The following HECTD3 variants were observed in gnomAD, a reference collection of about 807,000 sequenced individuals.
HECTD3 encodes the protein HECT domain E3 ubiquitin protein ligase 3.
In HECTD3, 72 loss-of-function variants were observed where a neutral mutation model predicts 109.3. That is an observed-to-expected ratio of 0.66 (90% CI 0.54 to 0.80). The LOEUF (loss-of-function observed/expected upper bound fraction) is 0.80, where lower values mean the gene tolerates loss of function less well. Ranked by LOEUF, HECTD3 falls within the 30% of genes least tolerant of loss-of-function variation. HECTD3 has a pLI of 0.00. For missense variants in HECTD3, 1,041 were observed against 1,165.2 expected, an observed-to-expected ratio of 0.89 and a Z score of 1.55; for synonymous variants, 481 against 471.8, an observed-to-expected ratio of 1.02 and a Z score of -0.25.
At position 45,007,126 on chromosome 1, in the gene HECTD3, TTGTGTGTGTGTGTGTGTGTGTGTG is replaced by T; in HGVS notation, c.1556+69_1556+92del. On this transcript the variant is annotated intron_variant, in intron 11 of 20. Transcript: ENST00000372172. ...TCATGGCGAGGGGTGCCTCGAGCAG[TTGTGTGTGTGTGTGTGTGTGTGTG>T]TGTGTGTTTGTGTGTGTTTGTGTGC... The T allele has an allele frequency of 2.4e-6, 3 of 1,251,168 alleles. No homozygotes were observed. The South Asian group carries it at 3.9e-5, about 16-fold the overall frequency. 77.5% of individuals were successfully genotyped at this position (1,251,168 alleles called of 1,614,324 possible).
rs1644716521 is a variant in HECTD3 at position 45,004,272 on chromosome 1, T to C, written c.2248A>G (p.Thr750Ala). 6.2e-7 allele frequency: 1 copy of C among 1,614,028 alleles called. No homozygotes were observed. Among genetic ancestry groups the C allele is most frequent in the South Asian group, 1.1e-5 (1 of 91,088 alleles). ...EKKVCGDPEV[T>A]VDALRKLTRF... ...CTGAGCTTGCGCAGAGCATCCACAG[T>C]GACCTCTGGATCCCCACACACTTTC... is the stretch of plus-strand genomic sequence containing the variant. Residue 750 changes from threonine to alanine, a missense_variant, in exon 17 of 21, where the codon ACT becomes GCT. Physicochemically the swap from Thr to Ala is moderately conservative, Grantham distance 58. Transcript: ENST00000372172.
Position 45,011,103 on chromosome 1 carries a change from TA to T in HECTD3, c.154del (p.Tyr52ThrfsTer68). 1 of 1,507,766 alleles carries T rather than the reference TA, an allele frequency of 6.6e-7. No individual in the cohort carries two copies. Among genetic ancestry groups the T allele is most frequent in the Non-Finnish European group, 8.8e-7 (1 of 1,135,542 alleles). The allele number at this position is 1,507,766 out of a possible 1,614,324, so 93.4% of individuals were successfully genotyped here. The stretch of plus-strand genomic sequence containing the variant: ...GCGCGACGGTCCCGCTGGGTCCTTG[TA>T]AAGCTTGTAGAGCACCTCTCGCGGC... ...FVPREVLYKL[Y>X]KDPAGPSRVL... On this transcript the variant is annotated frameshift_variant, in exon 1 of 21. Coordinates refer to ENST00000372172, the MANE Select transcript of HECTD3 (RefSeq NM_024602.6). LOFTEE classifies it high-confidence loss of function.
intron 9 of HECTD3, 51 bp from the exon 10 acceptor site, chr1:45,007,646 T>C (rs762718959): frequency 1.3e-6 from 2 of 1,482,320 alleles, no homozygotes; most frequent in Non-Finnish European, 1.8e-6. Context: ...TCAGCCTCCG[T>C]CCAGGCCCTG....
rs754370228 is a variant in HECTD3, at chr1:45,007,600, T to G, written c.1321-5A>C. Reference sequence around the variant, plus strand: ...CAGTAGGAACTGCTTCACTTGCTAGTGAGGAGAGGTGGCCAGAGCAGGAAT... The same window carrying G: ...CAGTAGGAACTGCTTCACTTGCTAGGGAGGAGAGGTGGCCAGAGCAGGAAT... On this transcript the variant is annotated splice_polypyrimidine_tract_variant and splice_region_variant and intron_variant, in intron 9 of 20. Coordinates refer to ENST00000372172, the MANE Select transcript of HECTD3 (RefSeq NM_024602.6). 2 of 1,605,712 alleles carry G rather than the reference T, an allele frequency of 1.2e-6. No individual in the cohort carries two copies. The highest frequency in any genetic ancestry group is 1.7e-5 in the Admixed American group (1 of 59,992).
chr1:45,009,294 C>T lies in HECTD3; in HGVS notation c.990-68G>A, dbSNP rs1329018402. 1.6e-5 allele frequency: 24 copies of T among 1,544,218 alleles called. No individual in the cohort carries two copies. In the Admixed American group the frequency reaches 3.2e-4, roughly 20 times the overall value. ...AGGCCTTCAGAGACTGCTGGAGTCT[C>T]ACTCAAACTTAGGCTTTCAAGCTGG... is the stretch of plus-strand genomic sequence containing the variant. On this transcript the variant is annotated intron_variant, in intron 6 of 20. Transcript: ENST00000372172.
In HECTD3 at chr1:45,003,267, C is replaced by T. The variant is rs551703154; in HGVS notation, c.*225G>A. On this transcript the variant is annotated 3_prime_UTR_variant, in exon 21 of 21. Coordinates refer to ENST00000372172, the MANE Select transcript of HECTD3 (RefSeq NM_024602.6). This position sits in a 1 kb window ranked among gnomAD's most constrained non-coding sequence, Gnocchi z 4.7. ...TTCCCTCTTAAGAGGTGAAATACCT[C>T]GGGAAGCAAGCCCCAGCACGGGTAG... 7.6e-5 allele frequency: 43 copies of T among 563,090 alleles called. No homozygotes were observed. Among genetic ancestry groups the T allele is most frequent in the Admixed American group, 4.2e-4 (14 of 32,990 alleles). 34.9% of individuals were successfully genotyped at this position (563,090 alleles called of 1,614,324 possible).
chr1:45,009,615 C>A lies in HECTD3; in HGVS notation c.828G>T (p.Gln276His), dbSNP rs1371782944. Residue 276 changes from glutamine to histidine, a missense_variant, in exon 5 of 21, where the codon CAG (glutamine) becomes CAT (histidine). Physicochemically the swap from Gln to His is conservative, Grantham distance 24. Transcript: ENST00000372172. Reference protein sequence around the residue: ...ADTYWESDGSQCQHWVRLTMK... With the variant: ...ADTYWESDGSHCQHWVRLTMK... ...TAGTAAGCCGTACCCAGTGTTGGCA[C>A]TGGGACCCATCGCTCTCCCAGTAGG... 1 of 1,613,994 alleles carries A rather than the reference C, an allele frequency of 6.2e-7. No homozygotes were observed. The highest frequency in any genetic ancestry group is 2.2e-5 in the East Asian group (1 of 44,886).
chr1:45,011,216 C>A lies in HECTD3; in HGVS notation c.42G>T (p.Arg14=). ...AGAAGCGCACGCGGCCCAGCAGCTG[C>A]CGGGGGGACTCCAGCACCGCGCCCG... ...PGPGAVLESP[R]QLLGRVRFLA... Residue 14 remains arginine, a synonymous_variant, in exon 1 of 21, where the codon CGG becomes CGT. Coordinates refer to ENST00000372172, the MANE Select transcript of HECTD3 (RefSeq NM_024602.6). 7.0e-7 allele frequency: 1 copy of A among 1,426,288 alleles called. No individual in the cohort carries two copies. Among genetic ancestry groups the A allele is most frequent in the Non-Finnish European group, 9.1e-7 (1 of 1,098,294 alleles). The allele number at this position is 1,426,288 out of a possible 1,614,324, so 88.4% of individuals were successfully genotyped here. A position where few individuals can be genotyped will look rare whatever the true frequency, so the allele number is the denominator to read the frequency against.
At chr1:45,009,749 G>A in intron 4 of HECTD3, 66 bp from the exon 5 acceptor site, 2 of 1,309,514 alleles carry the variant, frequency 1.5e-6, no homozygotes, top group Non-Finnish European at 2.2e-6. Flanking sequence ...TTGTGCTCTG[G>A]GCCAGGAGCA....
chr1:45,010,578 C>T lies in HECTD3; in HGVS notation c.498G>A (p.Gln166=), dbSNP rs1199436134. ...CCGGCCGATAATCCACGCCAAAGAGCTGCTGCTGCCGCTGGAGGTGGTTGG... is the reference window on the plus strand; with the variant it reads ...CCGGCCGATAATCCACGCCAAAGAGTTGCTGCTGCCGCTGGAGGTGGTTGG... The part of the protein sequence containing the change: ...DTPNHLQRQQ[Q]LFGVDYRPVL... The change falls in exon 2 of 21, where the codon CAG becomes CAA. Residue 166 remains glutamine (Q), a synonymous_variant. Transcript: ENST00000372172. 2.5e-6 allele frequency: 4 copies of T among 1,613,570 alleles called. No individual in the cohort carries two copies.
rs368577131 is a variant in HECTD3, at chr1:45,004,664, T to C, written c.2078A>G (p.Tyr693Cys). ...IPGGAGIVVGYGDRSRFIQLV... is the reference protein window; with the variant it reads ...IPGGAGIVVGCGDRSRFIQLV... ...TTGGATGAAACGAGAACGGTCCCCA[T>C]ATCCCACGACGATGCCTGCACCCCC... is the stretch of plus-strand genomic sequence containing the variant. Residue 693 changes from tyrosine to cysteine, a missense_variant, in exon 16 of 21, where the codon TAT becomes TGT. Tyr to Cys is a radical substitution (Grantham distance 194, BLOSUM62 -2). Transcript: ENST00000372172. The C allele has an allele frequency of 4.3e-5, 70 of 1,614,066 alleles. No individual in the cohort carries two copies. In the African/African-American group the frequency reaches 8.8e-4, roughly 20 times the overall value.
chr1:45,009,344 T>TA, intron 6 of HECTD3, 25 bp downstream of exon 6: 2 of 1,582,400 alleles, frequency 1.3e-6, no homozygotes, highest in Non-Finnish European at 1.7e-6. Context: ...ATGCCCTACT[T>TA]CCCTCCCCAG....
chr1:45,009,725 T>G (rs745457914), intron 4 of HECTD3, 42 bp from the exon 5 acceptor site: 1 of 1,455,472 alleles, frequency 6.9e-7, no homozygotes, highest in South Asian at 1.2e-5. Context: ...TTACCCTCCC[T>G]CCCTGCACTG....
intron 11 of HECTD3, 64 bp downstream of exon 11, chr1:45,007,155 T>C: frequency 7.1e-7 from 1 of 1,399,394 alleles, no homozygotes; most frequent in Admixed American, 1.8e-5. Flanking sequence ...TGTGTGTGTG[T>C]GTTTGTGTGT....
Position 45,003,448 on chromosome 1 carries a change from A to G in HECTD3, c.*44T>C. 1 of 1,568,760 alleles carries G rather than the reference A, an allele frequency of 6.4e-7. No homozygotes were observed. The highest frequency in any genetic ancestry group is 1.1e-5 in the South Asian group (1 of 90,150). ...TGTCTTCGCCCTGGGCAAGGCCAAG[A>G]GGGACACGTGCAGTCTTGCTGGTCC... is the stretch of plus-strand genomic sequence containing the variant. On this transcript the variant is annotated 3_prime_UTR_variant, in exon 21 of 21. Transcript: ENST00000372172. The surrounding 1 kb of genome is among the most constrained non-coding windows in gnomAD (Gnocchi z 4.7).
rs1488497813 is a variant in HECTD3, at chr1:45,006,434, T to C, written c.1725+258A>G. 6.6e-6 allele frequency among the ~76,000 whole-genome samples: 1 copy of C among 152,142 alleles called. No homozygotes were observed. Among genetic ancestry groups the C allele is most frequent in the Non-Finnish European group, 1.5e-5 (1 of 68,018 alleles). ...GAGTCGCCTGCTTCAGCCTCCCATG[T>C]AGCTGGGACTACAGGCGCGTGCCAC... On this transcript the variant is annotated intron_variant, in intron 13 of 20. Transcript: ENST00000372172. This position sits in a 1 kb window ranked among gnomAD's most constrained non-coding sequence, Gnocchi z 4.7.
chr1:45,008,963 A>C (rs1644759458), intron 7 of HECTD3, among the ~76,000 whole-genome samples, 181 bp downstream of exon 7: 1 of 152,154 alleles, frequency 6.6e-6, no homozygotes, highest in Non-Finnish European at 1.5e-5. Flanking sequence ...TATGGCTTTA[A>C]GGCAGGCCTA....
intron 1 of HECTD3, 69 bp from the exon 2 acceptor site, chr1:45,010,775 G>A: frequency 6.6e-7 from 1 of 1,511,352 alleles, no homozygotes; most frequent in Non-Finnish European, 8.8e-7. Context: ...CCCAGCCCAG[G>A]GCAAAGGGCG....
At position 45,004,806 on chromosome 1, in the gene HECTD3, C is replaced by T. The variant is rs1227742324; in HGVS notation, c.1936G>A (p.Val646Met). ...KDFPAVDSVL[V>M]KLLEVMEGMD... Reference sequence around the variant, plus strand: ...CCTTCCATCACTTCCAGGAGCTTCACCTAGGGGTTGGAGAGAGGCAGGGAG... The same window carrying T: ...CCTTCCATCACTTCCAGGAGCTTCATCTAGGGGTTGGAGAGAGGCAGGGAG... Residue 646 changes from valine to methionine, a missense_variant and splice_region_variant, in exon 16 of 21, where the codon GTG becomes ATG. This residue lies in a region of HECTD3 where 569 missense variants were observed against 715.3 expected (regional missense o/e 0.80). Coordinates refer to ENST00000372172, the MANE Select transcript of HECTD3 (RefSeq NM_024602.6). The T allele has an allele frequency of 2.5e-6, 4 of 1,613,932 alleles. No individual in the cohort carries two copies. The African/African-American group carries it at 4.0e-5, about 16-fold the overall frequency.
Sources: allele counts gnomAD v4.1 joint callset (sites outside exome capture counted in the v4.1 genomes callset), GRCh38; gene constraint gnomAD v4.1.1; regional missense constraint gnomAD v4.1.1; non-coding constraint Gnocchi (gnomAD v3.1); transcripts MANE v1.5; gene names NCBI Gene and HGNC (gene_info 2026-07-23, HGNC 2026-07-21).